DGKB: variants seen among roughly 807,000 people sequenced by gnomAD.
DGKB encodes diacylglycerol kinase beta.
A neutral mutation model predicts 114.3 loss-of-function variants in DGKB; 67 were observed. That is an observed-to-expected ratio of 0.59 (90% CI 0.48 to 0.72). DGKB has a LOEUF of 0.72. Among genes scored for constraint, DGKB ranks in the 30% least tolerant of loss-of-function variants. The pLI is 0.00. For missense variants in DGKB, 907 were observed against 975.2 expected (o/e 0.93, Z 0.93); for synonymous variants, 398 against 323.1 (o/e 1.23, Z -2.49).
chr7:14,734,021 G>A (rs1831323747), intron 5 of DGKB, among the ~76,000 whole-genome samples: 1 of 42,910 alleles, frequency 2.3e-5, no homozygotes, highest in Non-Finnish European at 4.4e-5. Flanking sequence ...ATACCAACAC[G>A]TGTGTGTGTG....
rs186957255 is a variant in DGKB at position 14,361,105 on chromosome 7, A to G, written c.1836-15714T>C. 1.2e-4 allele frequency among the ~76,000 whole-genome samples: 18 copies of G among 152,160 alleles called. No homozygotes were observed. The East Asian group carries it at 3.3e-3, about 28-fold the overall frequency. On this transcript the variant is annotated intron_variant, in intron 21 of 25. Coordinates refer to ENST00000402815, the MANE Select transcript of DGKB (RefSeq NM_001350709.2). The stretch of plus-strand genomic sequence containing the variant: ...AATACTTCTAATAAAACTTGTTTCT[A>G]TTCTCTGAAAATTAGTTAAGTGTTT...
intron 21 of DGKB, among the ~76,000 whole-genome samples, chr7:14,359,268 G>A (rs374343160): frequency 6.6e-6 from 1 of 152,064 alleles, no homozygotes; most frequent in South Asian, 2.1e-4. Context: ...TAGCCATATG[G>A]AGAAAGCGGA....
chr7:14,599,212 T>C (rs1803113145), intron 17 of DGKB, among the ~76,000 whole-genome samples: 1 of 152,166 alleles, frequency 6.6e-6, no homozygotes, highest in Admixed American at 6.5e-5. Flanking sequence ...ATAGCAATAC[T>C]TAAAATACAA....
chr7:14,262,154 G>C (rs1417560522), intron 23 of DGKB, among the ~76,000 whole-genome samples: 1 of 152,122 alleles, frequency 6.6e-6, no homozygotes, highest in African/African-American at 2.4e-5. Flanking sequence ...TGAATTTGCA[G>C]CCTAAAAAAG....
At chr7:14,300,047 G>T (rs1803251770) in intron 23 of DGKB, among the ~76,000 whole-genome samples, 1 of 151,976 alleles carries the variant, frequency 6.6e-6, no homozygotes, top group Admixed American at 6.6e-5. Context: ...ATACACGGAA[G>T]AATATGTTAT....
Position 14,212,290 on chromosome 7 carries a change from A to G in DGKB, c.2123-34139T>C, listed in dbSNP as rs867601373. Among the ~76,000 whole-genome samples the G allele has an allele frequency of 2.0e-3, 21 of 10,572 alleles. 2 individuals are homozygous for G. The highest frequency in any genetic ancestry group is 0.013 in the African/African-American group (12 of 924). The allele number at this position is 10,572 out of a possible 152,430, so 6.9% of individuals were successfully genotyped here. Reference sequence around the variant, plus strand: ...TCTCATGTTTTGTGATTTTACTCTCATGTTTTGTGATTTTACTCTCATGTT... The same window carrying G: ...TCTCATGTTTTGTGATTTTACTCTCGTGTTTTGTGATTTTACTCTCATGTT... On this transcript the variant is annotated intron_variant, in intron 23 of 25. Transcript: ENST00000402815.
At chr7:14,885,950 A>T (rs1854985798) in intron 1 of DGKB, among the ~76,000 whole-genome samples, 1 of 151,844 alleles carries the variant, frequency 6.6e-6, no homozygotes, top group Admixed American at 6.6e-5. Flanking sequence ...GCTAATTTAG[A>T]AAAAAATAAA....
chr7:14,787,559 G>A (rs1216563253), intron 2 of DGKB, among the ~76,000 whole-genome samples: 1 of 152,186 alleles, frequency 6.6e-6, no homozygotes, highest in African/African-American at 2.4e-5. Flanking sequence ...GATAGACGTA[G>A]AGATGCATAA....
At chr7:14,403,744 C>G (rs1823500633) in intron 21 of DGKB, among the ~76,000 whole-genome samples, 1 of 151,994 alleles carries the variant, frequency 6.6e-6, no homozygotes, top group Non-Finnish European at 1.5e-5. Flanking sequence ...TCAACCACCA[C>G]ACTAGCTTGC....
At chr7:14,282,444 C>A (rs1166496060) in intron 23 of DGKB, among the ~76,000 whole-genome samples, 1 of 149,388 alleles carries the variant, frequency 6.7e-6, no homozygotes, top group South Asian at 2.1e-4. Context: ...CAAGGAGGAA[C>A]TGGTACCATT....
intron 1 of DGKB, among the ~76,000 whole-genome samples, chr7:14,933,363 T>A (rs1281587440): frequency 6.6e-6 from 1 of 152,192 alleles, no homozygotes; most frequent in Non-Finnish European, 1.5e-5. Context: ...ATCCTTCAGT[T>A]CCTCTCTTAA....
intron 23 of DGKB, among the ~76,000 whole-genome samples, chr7:14,207,481 G>T (rs1412742599): frequency 6.6e-6 from 1 of 151,982 alleles, no homozygotes; most frequent in Non-Finnish European, 1.5e-5. Context: ...CTTCTCTGTG[G>T]TGAGGTGTTG....
chr7:14,857,565 T>G (rs1278197863), intron 1 of DGKB, among the ~76,000 whole-genome samples: 3 of 152,314 alleles, frequency 2.0e-5, no homozygotes, highest in African/African-American at 7.2e-5. Context: ...AGAATGTTTA[T>G]GAGATGGCAT....
intron 2 of DGKB, among the ~76,000 whole-genome samples, chr7:14,823,410 G>A (rs1327055440): frequency 1.3e-5 from 2 of 152,028 alleles, no homozygotes; most frequent in Non-Finnish European, 2.9e-5. Flanking sequence ...AGCCTTTGGA[G>A]AGAAAACACA....
At chr7:14,603,976 G>A (rs185294012) in intron 17 of DGKB, among the ~76,000 whole-genome samples, 6 of 152,208 alleles carry the variant, frequency 3.9e-5, no homozygotes, top group Non-Finnish European at 5.9e-5. Context: ...TGAAGTTGGT[G>A]TACAGCTAGA....
intron 20 of DGKB, among the ~76,000 whole-genome samples, chr7:14,501,068 A>T (rs570013244): frequency 8.9e-4 from 136 of 151,996 alleles, no homozygotes; most frequent in African/African-American, 3.2e-3. Flanking sequence ...TCTCATCCTG[A>T]GATACTCCCA....
At chr7:14,230,054 T>C (rs368945225) in intron 23 of DGKB, among the ~76,000 whole-genome samples, 155 of 152,112 alleles carry the variant, frequency 1.0e-3, no homozygotes, top group Non-Finnish European at 1.8e-3. Flanking sequence ...TCTTGTTGCA[T>C]CCTTTTTTTC....
chr7:14,962,668 G>A (rs2115276157), intron 1 of DGKB, among the ~76,000 whole-genome samples: 1 of 150,560 alleles, frequency 6.6e-6, no homozygotes, highest in South Asian at 2.1e-4. Context: ...GTGTGTGTGT[G>A]TAAGCACGTA....
chr7:14,875,626 A>G (rs1049042159), intron 1 of DGKB, among the ~76,000 whole-genome samples: 12 of 152,306 alleles, frequency 7.9e-5, no homozygotes, highest in African/African-American at 2.9e-4. Context: ...TATGAAATTC[A>G]TGAAAATTAA....
Sources: gnomAD v4.1 joint callset for allele counts (sites outside exome capture counted in the v4.1 genomes callset) on GRCh38, gnomAD v4.1.1 for gene constraint, MANE v1.5 for transcripts, NCBI Gene and HGNC (gene_info 2026-07-23, HGNC 2026-07-21) for gene names.